Variants in GLDN observed in about 807,000 individuals in gnomAD.
The protein encoded by GLDN is collomin.
In GLDN, 47 loss-of-function variants were observed where a neutral mutation model predicts 56.5. That is an observed-to-expected ratio of 0.83 (90% confidence interval 0.66 to 1.06). The LOEUF is 1.06. GLDN is among the 50% of genes least tolerant of loss of function. The probability of loss-of-function intolerance (pLI) is 0.00; values close to 1 mark genes in which losing one functional copy is unlikely to be tolerated. For synonymous variants in GLDN, 332 were observed against 278.8 expected (o/e 1.19, Z -1.90); for missense variants, 782 against 714.3 (o/e 1.09, Z -1.08).
chr15:51,382,563 T>TAA (rs577601237), intron 2 of GLDN, among the ~76,000 whole-genome samples: 5 of 141,548 alleles, frequency 3.5e-5, no homozygotes, highest in Non-Finnish European at 6.2e-5. Context: ...TAAAAATACA[T>TAA]AAAAAAAAAA....
intron 1 of GLDN, among the ~76,000 whole-genome samples, chr15:51,362,128 C>T (rs2037311944): frequency 6.6e-6 from 1 of 151,926 alleles, no homozygotes; most frequent in African/African-American, 2.4e-5. Flanking sequence ...GTGCAAAGGC[C>T]CCGAGTTGAG....
At chr15:51,349,906 AT>A (rs1420332872) in intron 1 of GLDN, among the ~76,000 whole-genome samples, 1 of 151,916 alleles carries the variant, frequency 6.6e-6, no homozygotes, top group Non-Finnish European at 1.5e-5. Flanking sequence ...TGCCCAGCTA[AT>A]TTTTTGTGTG....
At chr15:51,372,027 G>A (rs1010263271) in intron 1 of GLDN, among the ~76,000 whole-genome samples, 118 of 152,170 alleles carry the variant, frequency 7.8e-4, no homozygotes, top group African/African-American at 2.7e-3. Context: ...GAAGTCTAGG[G>A]TTGATGGGCT....
intron 1 of GLDN, among the ~76,000 whole-genome samples, chr15:51,364,856 C>A (rs1478135163): frequency 6.6e-6 from 1 of 152,124 alleles, no homozygotes; most frequent in Non-Finnish European, 1.5e-5. Context: ...TGCTATAGCT[C>A]AGTGAGGCAC....
At chr15:51,352,552 C>T (rs959322826) in intron 1 of GLDN, among the ~76,000 whole-genome samples, 1 of 152,120 alleles carries the variant, frequency 6.6e-6, no homozygotes, top group African/African-American at 2.4e-5. Flanking sequence ...GTGCTTTTAT[C>T]AGCTGCTGCT....
At position 51,341,944 on chromosome 15, in the gene GLDN, C is replaced by G; in HGVS notation, c.260C>G (p.Ala87Gly). ...RGASAPPQDP[A>G]SSARNKRSHS... ...GCGTCCGCACCACCCCAAGACCCGG[C>G]CAGCTCAGCTCGCAACAAGCGCAGC... The change falls in exon 1 of 10, where the codon GCC (alanine) becomes GGC (glycine). Residue 87 changes from alanine (A) to glycine (G), a missense_variant. By Grantham distance (60) the Ala-to-Gly change is moderately conservative. Coordinates refer to ENST00000335449, the MANE Select transcript of GLDN (RefSeq NM_181789.4). 1 of 1,597,206 alleles carries G rather than the reference C, an allele frequency of 6.3e-7. No homozygotes were observed. The highest frequency in any genetic ancestry group is 8.5e-7 in the Non-Finnish European group (1 of 1,179,360).
chr15:51,375,144 G>A (rs1306711082), intron 1 of GLDN, among the ~76,000 whole-genome samples: 2 of 152,126 alleles, frequency 1.3e-5, no homozygotes, highest in Non-Finnish European at 1.5e-5. Context: ...TTTTCCTCTG[G>A]ATCTCCTAAC....
intron 6 of GLDN, among the ~76,000 whole-genome samples, chr15:51,399,440 G>C (rs771824023): frequency 6.6e-6 from 1 of 152,126 alleles, no homozygotes; most frequent in Admixed American, 6.5e-5. Context: ...CCTCAGGTTT[G>C]CTTCTGCTGC....
rs757522386 is a variant in GLDN at position 51,404,522 on chromosome 15, C to T, written c.1424C>T (p.Ala475Val). The T allele has an allele frequency of 3.1e-6, 5 of 1,614,058 alleles. No individual in the cohort carries two copies. The Admixed American group carries it at 6.7e-5, about 22-fold the overall frequency. The change falls in exon 10 of 10, where the codon GCC (alanine) becomes GTC (valine). Residue 475 changes from alanine to valine, a missense_variant. Coordinates refer to ENST00000335449, the MANE Select transcript of GLDN (RefSeq NM_181789.4). The stretch of plus-strand genomic sequence containing the variant: ...TACCCTAAATCCAAGGCTGGCAACG[C>T]CTTCATTGCCCGAGGAATCCTCTAT... The part of the protein sequence containing the change: ...TTYPKSKAGN[A>V]FIARGILYVT...
intron 4 of GLDN, chr15:51,384,252 C>A (rs1392233727): frequency 1.0e-5 from 3 of 289,886 alleles, no homozygotes; most frequent in African/African-American, 2.3e-5. Context: ...TCCTGCCTTG[C>A]CCTCTATTGC....
intron 1 of GLDN, among the ~76,000 whole-genome samples, chr15:51,356,536 C>T (rs2037189978): frequency 1.3e-5 from 2 of 152,170 alleles, no homozygotes; most frequent in South Asian, 2.1e-4. Flanking sequence ...TCTGCCTTCT[C>T]CATGTAAGAG....
chr15:51,361,844 T>C (rs58935157), intron 1 of GLDN, among the ~76,000 whole-genome samples: 39,048 of 151,980 alleles, frequency 0.26, 6,190 homozygotes, highest in East Asian at 0.55. Flanking sequence ...ATAGGAGATT[T>C]GCTTGAACCC....
At chr15:51,382,713 A>G (rs139429428) in intron 2 of GLDN, among the ~76,000 whole-genome samples, 14,639 of 149,406 alleles carry the variant, frequency 0.098, 1,497 homozygotes, top group African/African-American at 0.25. Context: ...GTGACAGAGC[A>G]AGACTCTGTC....
In GLDN at chr15:51,345,910, A is replaced by C. The variant is rs186347615; in HGVS notation, c.363+3863A>C. ...ACAAGGTATTAAAATATTACTAAGA[A>C]ATCAATAGACTTCTTATACCCAAAC... is the stretch of plus-strand genomic sequence containing the variant. On this transcript the variant is annotated intron_variant, in intron 1 of 9. Transcript: ENST00000335449. 2.0e-3 allele frequency among the ~76,000 whole-genome samples: 311 copies of C among 152,324 alleles called. 1 individual carries two copies. Among genetic ancestry groups the C allele is most frequent in the African/African-American group, 7.1e-3 (296 of 41,576 alleles).
At chr15:51,389,900 G>A (rs1005209857) in intron 4 of GLDN, among the ~76,000 whole-genome samples, 1 of 152,134 alleles carries the variant, frequency 6.6e-6, no homozygotes. Flanking sequence ...ACATATGCAG[G>A]AGGCAACCAG....
Position 51,341,681 on chromosome 15 carries a change from G to A in GLDN, c.-4G>A. On this transcript the variant is annotated 5_prime_UTR_variant, in exon 1 of 10. Transcript: ENST00000335449. Reference sequence around the variant, plus strand: ...AGCCCTGCCCTGCCCAAGGCGCATAGAGCATGGCCCGAGGCGCTGAGGGAG... The same window carrying A: ...AGCCCTGCCCTGCCCAAGGCGCATAAAGCATGGCCCGAGGCGCTGAGGGAG... 7.1e-7 allele frequency: 1 copy of A among 1,413,568 alleles called. No individual in the cohort carries two copies. The highest frequency in any genetic ancestry group is 9.1e-7 in the Non-Finnish European group (1 of 1,098,328). 87.6% of individuals were successfully genotyped at this position (1,413,568 alleles called of 1,614,324 possible).
rs765905379 is a variant in GLDN at position 51,407,635 on chromosome 15, C to G, written c.*2881C>G. ...GTAGGTGGTTCTGGTCTCCAAGTATCGTTAAGCACAGGTGCTATGACAGAA... is the reference window on the plus strand; with the variant it reads ...GTAGGTGGTTCTGGTCTCCAAGTATGGTTAAGCACAGGTGCTATGACAGAA... On this transcript the variant is annotated 3_prime_UTR_variant, in exon 10 of 10. Coordinates refer to ENST00000335449, the MANE Select transcript of GLDN (RefSeq NM_181789.4). 2.0e-5 allele frequency: 3 copies of G among 152,194 alleles called. No homozygotes were observed. Among genetic ancestry groups the G allele is most frequent in the African/African-American group, 7.2e-5 (3 of 41,434 alleles). The allele number at this position is 152,194 out of a possible 1,614,324, so 9.4% of individuals were successfully genotyped here.
chr15:51,382,129 C>G (rs947670859), intron 2 of GLDN, among the ~76,000 whole-genome samples: 1 of 152,146 alleles, frequency 6.6e-6, no homozygotes, highest in African/African-American at 2.4e-5. Flanking sequence ...CATGGAATGC[C>G]AGACCTCATC....
chr15:51,398,429 G>T (rs2038180584), intron 6 of GLDN, among the ~76,000 whole-genome samples: 1 of 152,204 alleles, frequency 6.6e-6, no homozygotes, highest in Admixed American at 6.5e-5. Flanking sequence ...TCCCAAAGGG[G>T]TGACCTAGGA....
Sources: allele counts gnomAD v4.1 joint callset (sites outside exome capture counted in the v4.1 genomes callset), GRCh38; gene constraint gnomAD v4.1.1; transcripts MANE v1.5; gene names NCBI Gene and HGNC (gene_info 2026-07-23, HGNC 2026-07-21).